The following MYH15 variants were observed in gnomAD, a reference collection of about 807,000 sequenced individuals.
MYH15 encodes myosin heavy chain 15.
Under a neutral mutation model 240.5 loss-of-function variants are expected in MYH15, and 227 were observed. The ratio of observed to expected loss-of-function variants is 0.94; its 90% CI spans 0.85 to 1.05. MYH15 has a LOEUF of 1.05. Ranked by LOEUF, MYH15 falls within the 50% of genes least tolerant of loss-of-function variation. The pLI, the probability that MYH15 is intolerant of heterozygous loss-of-function variation, is 0.00. For missense variants in MYH15, 2,217 were observed against 2,247.5 expected, an observed-to-expected ratio of 0.99 and a Z score of 0.27; for synonymous variants, 785 against 796.7, an observed-to-expected ratio of 0.99 and a Z score of 0.25.
chr3:108,470,297 T>C (rs2083161463), intron 13 of MYH15, 85 bp from the exon 14 acceptor site: 3 of 949,736 alleles, frequency 3.2e-6, no homozygotes, highest in Non-Finnish European at 4.7e-6. Flanking sequence ...GAAAAAACCA[T>C]AACCATTATT....
rs113660395 is a variant in MYH15, at chr3:108,489,305, T to A, written c.872-2779A>T. Among the ~76,000 whole-genome samples, 422 of 152,246 alleles carry A rather than the reference T, an allele frequency of 2.8e-3. 2 individuals are homozygous for A. The highest frequency in any genetic ancestry group is 9.5e-3 in the African/African-American group (395 of 41,524). ...AAGGATTCCAGGACGGAAGGACCTC[T>A]TGGTCACTTACCATCACTCCTGGAA... On this transcript the variant is annotated intron_variant, in intron 9 of 40. Transcript: ENST00000693548.
At chr3:108,501,561 G>T in intron 3 of MYH15, 151 bp downstream of exon 3, 1 of 931,168 alleles carries the variant, frequency 1.1e-6, no homozygotes, top group Non-Finnish European at 1.6e-6. Flanking sequence ...TTGGGGAAAT[G>T]CTAAGATAAG....
rs536768634 is a variant in MYH15, at chr3:108,420,497, G to A, written c.3829+591C>T. On this transcript the variant is annotated intron_variant, in intron 28 of 40. Transcript: ENST00000693548. ...CCCAAGTCTTTCCAGAATTAATAAG[G>A]TGTTCCAGGCAGAGTAAACAGCTAG... 2.0e-5 allele frequency among the ~76,000 whole-genome samples: 3 copies of A among 152,264 alleles called. No homozygotes were observed. In the South Asian group the frequency reaches 6.2e-4, roughly 32 times the overall value.
chr3:108,515,636 A>C (rs548558858), intron 1 of MYH15, among the ~76,000 whole-genome samples: 1 of 152,320 alleles, frequency 6.6e-6, no homozygotes, highest in African/African-American at 2.4e-5. Flanking sequence ...TTTCTCTCCT[A>C]AGATGATGTG....
At position 108,440,961 on chromosome 3, in the gene MYH15, T is replaced by G. The variant is rs2082879399; in HGVS notation, c.2898+57A>C. ...GAGCAAGTCAGATACCAAAACCTGA[T>G]TTGAGAGTGGAATTCTGGCTGCTAG... On this transcript the variant is annotated intron_variant, in intron 23 of 40. Transcript: ENST00000693548. The G allele has an allele frequency of 2.5e-5, 40 of 1,600,834 alleles. 1 individual carries two copies. In the South Asian group the frequency reaches 4.4e-4, roughly 18 times the overall value.
chr3:108,474,492 TTTA>T (rs1289605794), intron 12 of MYH15, among the ~76,000 whole-genome samples: 4 of 150,672 alleles, frequency 2.7e-5, no homozygotes, highest in South Asian at 2.1e-4. Context: ...TTTTTTTGTT[TTTA>T]TTATTATTTT....
chr3:108,404,226 C>A (rs995025663), intron 33 of MYH15, among the ~76,000 whole-genome samples: 2 of 151,972 alleles, frequency 1.3e-5, no homozygotes, highest in Non-Finnish European at 2.9e-5. Context: ...GGCTTGACAC[C>A]CTCATTAAAA....
intron 21 of MYH15, among the ~76,000 whole-genome samples, chr3:108,446,162 A>G (rs552811542): frequency 3.3e-5 from 5 of 152,090 alleles, no homozygotes; most frequent in Non-Finnish European, 7.4e-5. Context: ...CCCAGTCAAC[A>G]AGGGTGTTCC....
chr3:108,486,471 T>G lies in MYH15; in HGVS notation c.927A>C (p.Ala309=). The change falls in exon 10 of 41, where the codon GCA becomes GCC. Residue 309 remains alanine (A), a synonymous_variant. Transcript: ENST00000693548. ...CATCATCCAAGCTCTCCACAGTAAC[T>G]GCTCCACAGGAGCAAAAGTGGAAGT... is the stretch of plus-strand genomic sequence containing the variant. ...PSDFHFCSCG[A]VTVESLDDAE... is the part of the protein sequence containing the mutation. 1 of 1,612,754 alleles carries G rather than the reference T, an allele frequency of 6.2e-7. No homozygotes were observed. Among genetic ancestry groups the G allele is most frequent in the Non-Finnish European group, 8.5e-7 (1 of 1,179,052 alleles).
intron 20 of MYH15, 74 bp downstream of exon 20, chr3:108,455,662 T>C: frequency 1.3e-6 from 2 of 1,508,640 alleles, no homozygotes; most frequent in Non-Finnish European, 1.8e-6. Flanking sequence ...TAATTGAGCA[T>C]TCACAGGTAT....
chr3:108,489,429 C>A (rs986334388), intron 9 of MYH15, among the ~76,000 whole-genome samples: 6 of 152,064 alleles, frequency 3.9e-5, no homozygotes, highest in Non-Finnish European at 7.4e-5. Flanking sequence ...ATATGTAGGA[C>A]CAAGCTATAC....
chr3:108,532,612 A>G (rs2083719503), upstream of MYH15, among the ~76,000 whole-genome samples: 1 of 152,262 alleles, frequency 6.6e-6, no homozygotes, highest in South Asian at 2.1e-4. Flanking sequence ...CTTATGAGAA[A>G]TCTCTCACTC....
upstream of MYH15, among the ~76,000 whole-genome samples, chr3:108,533,247 C>T (rs2083724113): frequency 6.7e-6 from 1 of 149,486 alleles, no homozygotes; most frequent in African/African-American, 2.5e-5. Flanking sequence ...GAAGTTCAGG[C>T]AGAAGTGCAT....
chr3:108,443,463 A>G (rs2082900832), intron 22 of MYH15, among the ~76,000 whole-genome samples: 1 of 152,228 alleles, frequency 6.6e-6, no homozygotes, highest in African/African-American at 2.4e-5. Context: ...TTAAAAAGCA[A>G]GATAAATTAT....
the MYH15 span, among the ~76,000 whole-genome samples, chr3:108,541,391 A>T: frequency 6.6e-6 from 1 of 152,172 alleles, no homozygotes; most frequent in African/African-American, 2.4e-5. Context: ...TAATTGAAAA[A>T]AAATTTGCAA....
At chr3:108,508,924 C>T (rs1191346717) in intron 1 of MYH15, among the ~76,000 whole-genome samples, 1 of 152,050 alleles carries the variant, frequency 6.6e-6, no homozygotes, top group Non-Finnish European at 1.5e-5. Flanking sequence ...CATTTATAGT[C>T]TCATTTGGTC....
intron 15 of MYH15, among the ~76,000 whole-genome samples, chr3:108,464,031 AAGAAG>A (rs1415478429): frequency 6.6e-6 from 1 of 152,180 alleles, no homozygotes; most frequent in Non-Finnish European, 1.5e-5. Context: ...CAGGATATCA[AAGAAG>A]AGAACTATAA....
chr3:108,458,055 T>TG (rs1205131425), intron 18 of MYH15, among the ~76,000 whole-genome samples: 1 of 150,008 alleles, frequency 6.7e-6, no homozygotes, highest in African/African-American at 2.5e-5. Flanking sequence ...CTCAAATTAT[T>TG]TTTTTTAAAA....
intron 33 of MYH15, 101 bp downstream of exon 33, chr3:108,405,237 T>C: frequency 1.9e-6 from 1 of 516,310 alleles, no homozygotes; most frequent in East Asian, 3.1e-5. Flanking sequence ...TCTTTGGTAA[T>C]GCTCCAACAG....
Sources: allele counts gnomAD v4.1 joint callset (sites outside exome capture counted in the v4.1 genomes callset), GRCh38; gene constraint gnomAD v4.1.1; transcripts MANE v1.5; gene names NCBI Gene and HGNC (gene_info 2026-07-23, HGNC 2026-07-21).